The following RBPMS2 variants were observed in gnomAD, a reference collection of about 807,000 sequenced individuals.
RBPMS2 encodes RNA binding protein, mRNA processing factor 2.
RBPMS2 carries 14 observed loss-of-function variants against 25.7 expected under a neutral mutation model. That is an observed-to-expected ratio of 0.55 (90% CI 0.36 to 0.85). The LOEUF is 0.85. RBPMS2 is among the 40% of genes least tolerant of loss of function. The pLI, the probability that RBPMS2 is intolerant of heterozygous loss-of-function variation, is 0.01. For synonymous variants in RBPMS2, 127 were observed against 115.6 expected, an observed-to-expected ratio of 1.10 and a Z score of -0.63; for missense variants, 252 against 283.4, an observed-to-expected ratio of 0.89 and a Z score of 0.80.
intron 1 of RBPMS2, among the ~76,000 whole-genome samples, chr15:64,757,268 T>A (rs2083741457): frequency 6.6e-6 from 1 of 152,032 alleles, no homozygotes; most frequent in Non-Finnish European, 1.5e-5. Context: ...CCACCATGCC[T>A]GGCCTCAGTT....
At chr15:64,761,784 C>A (rs559376612) in intron 1 of RBPMS2, among the ~76,000 whole-genome samples, 3 of 138,354 alleles carry the variant, frequency 2.2e-5, no homozygotes, top group Non-Finnish European at 4.6e-5. Context: ...CTCACTGCAA[C>A]CTCCACCTCC....
intron 1 of RBPMS2, among the ~76,000 whole-genome samples, chr15:64,772,269 G>C (rs913389426): frequency 6.6e-6 from 1 of 152,122 alleles, no homozygotes; most frequent in African/African-American, 2.4e-5. Flanking sequence ...AGGACATTTA[G>C]GTCTGAAGTT....
chr15:64,746,922 C>T (rs543823966), intron 6 of RBPMS2, among the ~76,000 whole-genome samples: 3 of 152,296 alleles, frequency 2.0e-5, no homozygotes, highest in East Asian at 3.9e-4. Context: ...CTCCCAGGGC[C>T]TTGCAGTTAA....
intron 1 of RBPMS2, among the ~76,000 whole-genome samples, chr15:64,769,113 A>C (rs1452576302): frequency 6.7e-6 from 1 of 149,826 alleles, no homozygotes; most frequent in Non-Finnish European, 1.5e-5. Flanking sequence ...AAAAAAAAAA[A>C]AAAAAAAAAA....
At chr15:64,746,227 C>T (rs543761094) in intron 6 of RBPMS2, among the ~76,000 whole-genome samples, 2 of 152,144 alleles carry the variant, frequency 1.3e-5, no homozygotes, top group South Asian at 4.1e-4. Context: ...TTCCCATTAG[C>T]CTGCCTCCCC....
chr15:64,762,218 T>TG (rs1036842858), intron 1 of RBPMS2, among the ~76,000 whole-genome samples: 1 of 150,290 alleles, frequency 6.7e-6, no homozygotes, highest in Non-Finnish European at 1.5e-5. Context: ...GGCAGGGGGG[T>TG]GGGGGGTGGT....
intron 1 of RBPMS2, among the ~76,000 whole-genome samples, chr15:64,763,292 T>C (rs955193677): frequency 6.6e-6 from 1 of 150,658 alleles, no homozygotes; most frequent in African/African-American, 2.4e-5. Flanking sequence ...ACAGTGGATG[T>C]GAACCTAGAT....
Position 64,752,532 on chromosome 15 carries a change from G to A in RBPMS2, c.88-894C>T, listed in dbSNP as rs557256583. Among the ~76,000 whole-genome samples the A allele has an allele frequency of 2.0e-5, 3 of 152,258 alleles. No individual in the cohort carries two copies. The East Asian group carries it at 5.8e-4, about 29-fold the overall frequency. On this transcript the variant is annotated intron_variant, in intron 1 of 7. Coordinates refer to ENST00000300069, the MANE Select transcript of RBPMS2 (RefSeq NM_194272.3). ...CTAAATGTTGACTGAACAGGGTAAT[G>A]GGTAAACAGTCAAAACCATTATGCT...
At chr15:64,753,955 C>T (rs2083707592) in intron 1 of RBPMS2, among the ~76,000 whole-genome samples, 1 of 152,118 alleles carries the variant, frequency 6.6e-6, no homozygotes, top group African/African-American at 2.4e-5. Flanking sequence ...AATCCCCAAG[C>T]AGAAGTGACT....
chr15:64,742,660 C>CTTGAG (rs2083573532), intron 6 of RBPMS2, among the ~76,000 whole-genome samples: 1 of 152,200 alleles, frequency 6.6e-6, no homozygotes, highest in East Asian at 1.9e-4. Context: ...AACACAGGAC[C>CTTGAG]TTGAGTTGCG....
intron 1 of RBPMS2, among the ~76,000 whole-genome samples, chr15:64,774,913 C>T (rs2083919016): frequency 6.6e-6 from 1 of 151,358 alleles, no homozygotes; most frequent in African/African-American, 2.4e-5. Flanking sequence ...GGGTGGGGAG[C>T]AAGGGGCGCG....
rs573762698 is a variant in RBPMS2, at chr15:64,756,212, C to G, written c.88-4574G>C. On this transcript the variant is annotated intron_variant, in intron 1 of 7. Transcript: ENST00000300069. ...CCAGATACGATCCAGCATGGCAGAA[C>G]GATACCATAAATGGCAGAGAGGGCC... is the stretch of plus-strand genomic sequence containing the variant. Among the ~76,000 whole-genome samples, 6 of 152,292 alleles carry G rather than the reference C, an allele frequency of 3.9e-5. No homozygotes were observed. The East Asian group carries it at 1.2e-3, about 29-fold the overall frequency.
intron 5 of RBPMS2, 94 bp from the exon 6 acceptor site, chr15:64,748,661 C>T (rs1369363752): frequency 1.4e-6 from 2 of 1,431,500 alleles, no homozygotes; most frequent in African/African-American, 2.9e-5. Flanking sequence ...GCCATATGCC[C>T]CACACTGAGG....
In RBPMS2 at chr15:64,750,292, C is replaced by A. The variant is rs1399658346; in HGVS notation, c.204+51G>T. The stretch of plus-strand genomic sequence containing the variant: ...AGGGTTAACGGGCCCTTGTTTGAAG[C>A]TCAGCAGCCGGTCTGGGCTGGGAGG... On this transcript the variant is annotated intron_variant, in intron 3 of 7. Coordinates refer to ENST00000300069, the MANE Select transcript of RBPMS2 (RefSeq NM_194272.3). 4 of 1,542,608 alleles carry A rather than the reference C, an allele frequency of 2.6e-6. No individual in the cohort carries two copies. The South Asian group carries it at 4.5e-5, about 17-fold the overall frequency.
intron 1 of RBPMS2, among the ~76,000 whole-genome samples, chr15:64,773,493 G>A (rs1394840498): frequency 6.6e-6 from 1 of 152,232 alleles, no homozygotes; most frequent in East Asian, 1.9e-4. Flanking sequence ...AGGAGGAATA[G>A]TAGGGATTCC....
At chr15:64,743,085 C>T (rs1289337717) in intron 6 of RBPMS2, among the ~76,000 whole-genome samples, 1 of 152,222 alleles carries the variant, frequency 6.6e-6, no homozygotes, top group Non-Finnish European at 1.5e-5. Flanking sequence ...TCAGGGAGCC[C>T]CTTAGTGGGC....
chr15:64,743,644 G>A (rs1019216959), intron 6 of RBPMS2, among the ~76,000 whole-genome samples: 1 of 33,378 alleles, frequency 3.0e-5, no homozygotes, highest in Non-Finnish European at 1.6e-4. Flanking sequence ...GTGCCCAGGG[G>A]GGGGGGGGCT....
Position 64,749,492 on chromosome 15 carries a change from G to A in RBPMS2, c.206C>T (p.Pro69Leu). ...GSLIKLTARQPVGFVIFDSRA... is the reference protein window; with the variant it reads ...GSLIKLTARQLVGFVIFDSRA... ...GCTGTCAAAGATCACAAAACCAACA[G>A]GCTAGTAGGAAAAAGAGAGAACACC... The change falls in exon 4 of 8, where the codon CCT (proline) becomes CTT (leucine). Residue 69 changes from proline to leucine, a missense_variant and splice_region_variant. Physicochemically the swap from Pro to Leu is moderately conservative, Grantham distance 98. Transcript: ENST00000300069. 6.2e-7 allele frequency: 1 copy of A among 1,611,040 alleles called. No individual in the cohort carries two copies. The highest frequency in any genetic ancestry group is 8.5e-7 in the Non-Finnish European group (1 of 1,179,360).
At chr15:64,752,224 TA>T (rs1369728434) in intron 1 of RBPMS2, among the ~76,000 whole-genome samples, 1 of 152,134 alleles carries the variant, frequency 6.6e-6, no homozygotes, top group East Asian at 1.9e-4. Flanking sequence ...AAAATGTATC[TA>T]TTTTTTTAAT....
Sources: gnomAD v4.1 joint callset for allele counts (sites outside exome capture counted in the v4.1 genomes callset) on GRCh38, gnomAD v4.1.1 for gene constraint, MANE v1.5 for transcripts, NCBI Gene and HGNC (gene_info 2026-07-23, HGNC 2026-07-21) for gene names.